NECTIN1: variants seen among roughly 807,000 people sequenced by gnomAD.
The protein encoded by NECTIN1 is nectin-1.
In NECTIN1, 23 loss-of-function variants were observed where a neutral mutation model predicts 48.0. The observed-to-expected ratio is 0.48, with a 90% CI of 0.34 to 0.68. The LOEUF (loss-of-function observed/expected upper bound fraction) is 0.68, where lower values mean the gene tolerates loss of function less well. Among genes scored for constraint, NECTIN1 ranks in the 30% least tolerant of loss-of-function variants. The probability of loss-of-function intolerance (pLI) is 0.01; values close to 1 mark genes in which losing one functional copy is unlikely to be tolerated. For synonymous variants in NECTIN1, 270 were observed against 288.9 expected (o/e 0.93, Z 0.66); for missense variants, 591 against 709.9 (o/e 0.83, Z 1.90).
chr11:119,660,041 C>T (rs865855951), downstream of NECTIN1, among the ~76,000 whole-genome samples: 5 of 152,156 alleles, frequency 3.3e-5, no homozygotes, highest in South Asian at 2.1e-4. Flanking sequence ...TCCTTCTGCA[C>T]GCCTACTTCT....
chr11:119,716,283 C>T (rs1371457033), intron 1 of NECTIN1, among the ~76,000 whole-genome samples: 2 of 152,128 alleles, frequency 1.3e-5, no homozygotes, highest in Admixed American at 6.5e-5. Flanking sequence ...AGGAGGGTTC[C>T]TGGGCCTGGC....
At chr11:119,722,872 G>A (rs1865855655) in intron 1 of NECTIN1, among the ~76,000 whole-genome samples, 1 of 152,228 alleles carries the variant, frequency 6.6e-6, no homozygotes, top group Non-Finnish European at 1.5e-5. Context: ...CACATGCCTG[G>A]CAATGTGCTA....
In NECTIN1 at chr11:119,716,886, C is replaced by T. The variant is rs141405874; in HGVS notation, c.79+11589G>A. Among the ~76,000 whole-genome samples, 52 of 152,346 alleles carry T rather than the reference C, an allele frequency of 3.4e-4. 1 individual carries two copies. The highest frequency in any genetic ancestry group is 1.2e-3 in the African/African-American group (48 of 41,580). On this transcript the variant is annotated intron_variant, in intron 1 of 5. Transcript: ENST00000264025. ...CGCACGCACGCACACACACACAGCACGTGACCTCATACACGCACACACACC... is the reference window on the plus strand; with the variant it reads ...CGCACGCACGCACACACACACAGCATGTGACCTCATACACGCACACACACC...
At chr11:119,657,648 C>T (rs960698628), downstream of NECTIN1, among the ~76,000 whole-genome samples, 2 of 147,010 alleles carry the variant, frequency 1.4e-5, no homozygotes, top group African/African-American at 5.0e-5. Context: ...TTACGGGGCT[C>T]ACACCTATAA....
Position 119,663,129 on chromosome 11 carries a change from T to C in NECTIN1, c.*1618A>G. ...CCCTCCTCCCCAACACTTGCCATCC[T>C]GCAGAGCCCCTGACACCCTGGGGTG... On this transcript the variant is annotated 3_prime_UTR_variant, in exon 6 of 6. Transcript: ENST00000264025. 1 of 985,522 alleles carries C rather than the reference T, an allele frequency of 1.0e-6. No individual in the cohort carries two copies. Among genetic ancestry groups the C allele is most frequent in the Non-Finnish European group, 1.2e-6 (1 of 829,984 alleles). The allele number at this position is 985,522 out of a possible 1,614,324, so 61.0% of individuals were successfully genotyped here.
chr11:119,723,516 T>C (rs1374110090), intron 1 of NECTIN1, among the ~76,000 whole-genome samples: 4 of 152,136 alleles, frequency 2.6e-5, no homozygotes, highest in Non-Finnish European at 4.4e-5. Context: ...TACATACCTA[T>C]TGCCTCCCCA....
intron 1 of NECTIN1, among the ~76,000 whole-genome samples, chr11:119,701,477 G>A (rs1865450500): frequency 6.6e-6 from 1 of 152,052 alleles, no homozygotes; most frequent in Admixed American, 6.5e-5. Context: ...AATGCATTGT[G>A]GGGGCCCTCT....
intron 5 of NECTIN1, among the ~76,000 whole-genome samples, chr11:119,668,901 C>A (rs1207142131): frequency 6.6e-6 from 1 of 152,180 alleles, no homozygotes; most frequent in East Asian, 1.9e-4. Flanking sequence ...GGGATTGACT[C>A]ATTTCAGTGT....
chr11:119,638,165 T>C, exon 8 of NECTIN1: 1 of 1,613,904 alleles, frequency 6.2e-7, no homozygotes, highest in Admixed American at 1.7e-5. Context: ...GACCCCCAGA[T>C]CATAGTAGGG....
At chr11:119,680,798 C>G (rs946463000) in intron 1 of NECTIN1, among the ~76,000 whole-genome samples, 26 of 152,258 alleles carry the variant, frequency 1.7e-4, no homozygotes, top group Admixed American at 1.4e-3. Flanking sequence ...CCTCACTCCT[C>G]CAGCTGTTCC....
intron 1 of NECTIN1, among the ~76,000 whole-genome samples, chr11:119,680,867 T>A (rs905927080): frequency 6.6e-6 from 1 of 150,930 alleles, no homozygotes; most frequent in Non-Finnish European, 1.5e-5. Context: ...GCCCCATGGG[T>A]TGGGAATACG....
chr11:119,725,604 A>G (rs1234222456), intron 1 of NECTIN1, among the ~76,000 whole-genome samples: 1 of 152,202 alleles, frequency 6.6e-6, no homozygotes, highest in Non-Finnish European at 1.5e-5. Flanking sequence ...GCTGAAGGAC[A>G]CCACTGTATG....
At chr11:119,723,722 C>T (rs1381856991) in intron 1 of NECTIN1, among the ~76,000 whole-genome samples, 1 of 152,182 alleles carries the variant, frequency 6.6e-6, no homozygotes, top group Non-Finnish European at 1.5e-5. Context: ...CATCTCCTAG[C>T]CCCCAACAGC....
chr11:119,676,001 G>A (rs549359312), intron 4 of NECTIN1, among the ~76,000 whole-genome samples: 43 of 122,506 alleles, frequency 3.5e-4, no homozygotes, highest in Admixed American at 3.5e-3. Flanking sequence ...GTGAAAATCC[G>A]TCTCAAAGAA....
At chr11:119,656,709 C>G (rs369946427), downstream of NECTIN1, among the ~76,000 whole-genome samples, 124 of 152,294 alleles carry the variant, frequency 8.1e-4, no homozygotes, top group Middle Eastern at 6.8e-3. Flanking sequence ...TCTTCAGGCC[C>G]GTACTCAGGC....
intron 6 of NECTIN1, among the ~76,000 whole-genome samples, chr11:119,639,005 G>A (rs1287840846): frequency 6.6e-6 from 1 of 152,064 alleles, no homozygotes; most frequent in Non-Finnish European, 1.5e-5. Context: ...GAGAGTGCCC[G>A]GCCACCTTTC....
intron 5 of NECTIN1, among the ~76,000 whole-genome samples, chr11:119,670,610 T>C (rs892613190): frequency 4.7e-5 from 7 of 148,486 alleles, no homozygotes; most frequent in Non-Finnish European, 3.0e-5. Context: ...TTTTTTCTCC[T>C]CCAGGCCTTC....
rs1864674981 is a variant in NECTIN1 at position 119,662,010 on chromosome 11, A to C, written c.*2737T>G. On this transcript the variant is annotated 3_prime_UTR_variant, in exon 6 of 6. Coordinates refer to ENST00000264025, the MANE Select transcript of NECTIN1 (RefSeq NM_002855.5). The surrounding 1 kb of genome is among the most constrained non-coding windows in gnomAD (Gnocchi z 5.3). ...AAAAGGGGACTCGGCTGGTTCTATTACACATTAGAACAATATCAAAATCTG... is the reference window on the plus strand; with the variant it reads ...AAAAGGGGACTCGGCTGGTTCTATTCCACATTAGAACAATATCAAAATCTG... The C allele has an allele frequency of 1.0e-6, 1 of 985,064 alleles. No homozygotes were observed. Among genetic ancestry groups the C allele is most frequent in the Admixed American group, 6.2e-5 (1 of 16,258 alleles). 61.0% of individuals were successfully genotyped at this position (985,064 alleles called of 1,614,324 possible).
At chr11:119,668,548 C>G (rs572872617) in intron 5 of NECTIN1, among the ~76,000 whole-genome samples, 20 of 152,292 alleles carry the variant, frequency 1.3e-4, no homozygotes, top group African/African-American at 4.6e-4. Flanking sequence ...CAGTTTGCCC[C>G]GCCAGGAGTG....
Sources: allele counts gnomAD v4.1 joint callset (sites outside exome capture counted in the v4.1 genomes callset), GRCh38; gene constraint gnomAD v4.1.1; non-coding constraint Gnocchi (gnomAD v3.1); transcripts MANE v1.5; gene names NCBI Gene and HGNC (gene_info 2026-07-23, HGNC 2026-07-21).